MYOM2: variants seen among roughly 807,000 people sequenced by gnomAD.
The protein encoded by MYOM2 is myomesin-2.
MYOM2 carries 254 observed loss-of-function variants against 187.6 expected under a neutral mutation model. The observed-to-expected ratio is 1.35, with a 90% CI of 1.22 to 1.50. The LOEUF is 1.50. Among genes scored for constraint, MYOM2 ranks in the 40% most tolerant of loss-of-function variants. The probability of loss-of-function intolerance (pLI) is 0.00; values close to 1 mark genes in which losing one functional copy is unlikely to be tolerated. For synonymous variants in MYOM2, 981 were observed against 753.8 expected, an observed-to-expected ratio of 1.30 and a Z score of -4.94; for missense variants, 2,796 against 1,924.0, an observed-to-expected ratio of 1.45 and a Z score of -8.48.
rs113852721 is a variant in MYOM2, at chr8:2,077,022, A to G, written c.1262+740A>G. ...GAAATTAGACAGAGAGTAAAAGAGG[A>G]TGGTTCTGGCTGGGCACGGTGGCTC... is the stretch of plus-strand genomic sequence containing the variant. On this transcript the variant is annotated intron_variant, in intron 11 of 36. Transcript: ENST00000262113. Among the ~76,000 whole-genome samples, 298 of 152,302 alleles carry G rather than the reference A, an allele frequency of 2.0e-3. 1 individual carries two copies. The highest frequency in any genetic ancestry group is 6.9e-3 in the African/African-American group (288 of 41,570).
At chr8:2,049,625 C>G (rs1818419365) in intron 1 of MYOM2, among the ~76,000 whole-genome samples, 1 of 152,162 alleles carries the variant, frequency 6.6e-6, no homozygotes, top group Non-Finnish European at 1.5e-5. Context: ...GGAGTTCTGT[C>G]TTTAAATAAG....
Position 2,085,316 on chromosome 8 carries a change from A to C in MYOM2, c.1570A>C (p.Arg524=), listed in dbSNP as rs746307093. 1 of 1,614,172 alleles carries C rather than the reference A, an allele frequency of 6.2e-7. No homozygotes were observed. The highest frequency in any genetic ancestry group is 8.5e-7 in the Non-Finnish European group (1 of 1,180,006). ...CGGTGTGCACGCTTCCGAGATCAGC[A>C]GAAACTATGTCGTCCTCAGCTGGGA... The part of the protein sequence containing the change: ...PTGVHASEIS[R]NYVVLSWEPP... Residue 524 remains arginine (R), a synonymous_variant, in exon 14 of 37, where the codon AGA becomes CGA. Transcript: ENST00000262113.
intron 36 of MYOM2, 65 bp from the exon 37 acceptor site, chr8:2,144,599 C>T (rs537931229): frequency 2.7e-5 from 42 of 1,533,584 alleles, no homozygotes; most frequent in South Asian, 7.9e-5. Context: ...GCCCACCGTC[C>T]GAGGGGGTGA....
chr8:2,089,982 A>G, intron 14 of MYOM2, 26 bp from the exon 15 acceptor site: 2 of 1,610,538 alleles, frequency 1.2e-6, no homozygotes, highest in African/African-American at 1.3e-5. Context: ...TTTCACTGCC[A>G]GTCTCGTTTC....
chr8:2,136,023 A>C (rs1263698484), intron 32 of MYOM2, among the ~76,000 whole-genome samples: 1 of 152,190 alleles, frequency 6.6e-6, no homozygotes, highest in Non-Finnish European at 1.5e-5. Context: ...GGACAGCGGG[A>C]GCCTCTGCTG....
intron 25 of MYOM2, among the ~76,000 whole-genome samples, chr8:2,114,020 G>T (rs1014517421): frequency 6.6e-6 from 1 of 152,134 alleles, no homozygotes; most frequent in Non-Finnish European, 1.5e-5. Flanking sequence ...GGGTGCTATT[G>T]GGGGAAGGGA....
At chr8:2,074,477 T>G (rs1819345804) in intron 10 of MYOM2, among the ~76,000 whole-genome samples, 1 of 152,032 alleles carries the variant, frequency 6.6e-6, no homozygotes, top group Non-Finnish European at 1.5e-5. Context: ...GTTTTTGAGA[T>G]GGATTAACAC....
chr8:2,128,314 T>A (rs1438863984), intron 31 of MYOM2, among the ~76,000 whole-genome samples: 2 of 147,972 alleles, frequency 1.4e-5, no homozygotes, highest in Non-Finnish European at 2.9e-5. Context: ...CTTCCCAAAA[T>A]GAAAAATTAC....
chr8:2,082,867 A>T (rs1819676506), intron 13 of MYOM2, among the ~76,000 whole-genome samples: 1 of 152,110 alleles, frequency 6.6e-6, no homozygotes, highest in Non-Finnish European at 1.5e-5. Context: ...TCGGTGTTTC[A>T]TTTACTTAGA....
chr8:2,082,782 A>T (rs915504964), intron 13 of MYOM2, among the ~76,000 whole-genome samples: 5 of 152,190 alleles, frequency 3.3e-5, no homozygotes, highest in Non-Finnish European at 7.3e-5. Context: ...GGGCCGGGGC[A>T]TTTGCAGCCC....
chr8:2,123,648 A>C lies in MYOM2; in HGVS notation c.3655+6A>C, dbSNP rs1214773846. On this transcript the variant is annotated splice_donor_region_variant and intron_variant, in intron 30 of 36. Coordinates refer to ENST00000262113, the MANE Select transcript of MYOM2 (RefSeq NM_003970.4). ...CCTTGAAATAGCTGGCAAAGGTAAA[A>C]GAAAACCTCCTTTGTTCTGTGAACA... The C allele has an allele frequency of 6.2e-7, 1 of 1,612,536 alleles. No homozygotes were observed. The highest frequency in any genetic ancestry group is 2.2e-5 in the East Asian group (1 of 44,884).
At chr8:2,074,613 C>A (rs191492542) in intron 10 of MYOM2, among the ~76,000 whole-genome samples, 1 of 152,150 alleles carries the variant, frequency 6.6e-6, no homozygotes, top group Non-Finnish European at 1.5e-5. Context: ...TACCACCACG[C>A]CCGGCTAATT....
At chr8:2,126,478 TCATA>T (rs1350852541) in intron 31 of MYOM2, among the ~76,000 whole-genome samples, 1 of 151,894 alleles carries the variant, frequency 6.6e-6, no homozygotes, top group East Asian at 1.9e-4. Flanking sequence ...ACTCACACAC[TCATA>T]CATGCACACA....
At chr8:2,131,466 C>A (rs935154934) in intron 32 of MYOM2, among the ~76,000 whole-genome samples, 1 of 151,884 alleles carries the variant, frequency 6.6e-6, no homozygotes, top group South Asian at 2.1e-4. Flanking sequence ...GCAGGCAGAT[C>A]GGGGCACAGC....
chr8:2,133,087 C>A (rs1389252961), intron 32 of MYOM2, among the ~76,000 whole-genome samples: 1 of 152,124 alleles, frequency 6.6e-6, no homozygotes, highest in Non-Finnish European at 1.5e-5. Context: ...TATGTGCAGT[C>A]CCCTCTCAGA....
intron 32 of MYOM2, among the ~76,000 whole-genome samples, chr8:2,130,516 CT>C (rs1797827884): frequency 1.3e-5 from 2 of 152,360 alleles, no homozygotes; most frequent in South Asian, 4.1e-4. Flanking sequence ...GACTATTTCA[CT>C]TTTAATATCA....
chr8:2,063,887 A>G (rs1379053651), intron 6 of MYOM2, among the ~76,000 whole-genome samples: 2 of 152,232 alleles, frequency 1.3e-5, no homozygotes, highest in Non-Finnish European at 2.9e-5. Context: ...GACTCTCTCC[A>G]TCTATTCTGG....
chr8:2,117,854 T>C (rs1250728644), intron 27 of MYOM2, 31 bp from the exon 28 acceptor site: 1 of 1,566,928 alleles, frequency 6.4e-7, no homozygotes, highest in African/African-American at 1.4e-5. Context: ...TTTCCTTTTT[T>C]ATATGTTTTC....
chr8:2,072,105 T>A (rs1237014890), intron 8 of MYOM2, among the ~76,000 whole-genome samples: 1 of 152,050 alleles, frequency 6.6e-6, no homozygotes, highest in Non-Finnish European at 1.5e-5. Context: ...GCGGTGACGG[T>A]CTGAGTGTGT....
Sources: allele counts gnomAD v4.1 joint callset (sites outside exome capture counted in the v4.1 genomes callset), GRCh38; gene constraint gnomAD v4.1.1; transcripts MANE v1.5; gene names NCBI Gene and HGNC (gene_info 2026-07-23, HGNC 2026-07-21).